The following STK4 variants were observed in gnomAD, a reference collection of about 807,000 sequenced individuals.
STK4 encodes the protein serine/threonine kinase 4.
A neutral mutation model predicts 64.9 loss-of-function variants in STK4; 30 were observed. That is an observed-to-expected ratio of 0.46 (90% CI 0.35 to 0.63). The LOEUF (loss-of-function observed/expected upper bound fraction) is 0.63, where lower values mean the gene tolerates loss of function less well. Among genes scored for constraint, STK4 ranks in the 20% least tolerant of loss-of-function variants. The pLI, the probability that STK4 is intolerant of heterozygous loss-of-function variation, is 0.01. For missense variants in STK4, 466 were observed against 598.5 expected (o/e 0.78, Z 2.31); for synonymous variants, 177 against 199.0 (o/e 0.89, Z 0.93).
intron 5 of STK4, among the ~76,000 whole-genome samples, chr20:44,988,088 A>G (rs945740999): frequency 6.6e-6 from 1 of 152,106 alleles, no homozygotes; most frequent in African/African-American, 2.4e-5. Flanking sequence ...CTTATTCAGT[A>G]TCATGATTTG....
At chr20:45,042,291 G>A (rs993752244) in intron 10 of STK4, among the ~76,000 whole-genome samples, 1 of 150,956 alleles carries the variant, frequency 6.6e-6, no homozygotes, top group Non-Finnish European at 1.5e-5. Flanking sequence ...TTTCTCACAC[G>A]AACTCTTGAC....
intron 10 of STK4, among the ~76,000 whole-genome samples, chr20:45,072,433 AT>A: frequency 6.6e-6 from 1 of 152,122 alleles, no homozygotes. Context: ...CTTTCACACT[AT>A]TTTTTATTTT....
intron 8 of STK4, 139 bp from the exon 9 acceptor site, chr20:45,001,028 T>C: frequency 3.2e-6 from 3 of 946,502 alleles, no homozygotes; most frequent in Non-Finnish European, 4.6e-6. Context: ...TAACAGCGCT[T>C]TCATTTCTGG....
At chr20:44,969,241 G>T (rs888681502) in intron 1 of STK4, among the ~76,000 whole-genome samples, 1 of 152,136 alleles carries the variant, frequency 6.6e-6, no homozygotes, top group Non-Finnish European at 1.5e-5. Flanking sequence ...TATTATGTAA[G>T]ATTTTGTCCA....
At chr20:45,067,019 C>T (rs1979632700) in intron 10 of STK4, among the ~76,000 whole-genome samples, 1 of 152,140 alleles carries the variant, frequency 6.6e-6, no homozygotes. Flanking sequence ...GTCACCTCTA[C>T]CTAAACTAGA....
chr20:45,041,448 A>G (rs1019720901), intron 10 of STK4, among the ~76,000 whole-genome samples: 2 of 152,186 alleles, frequency 1.3e-5, no homozygotes, highest in Non-Finnish European at 2.9e-5. Flanking sequence ...AGCCATACAT[A>G]GAGATAGTCC....
chr20:45,074,924 C>T, intron 10 of STK4, 94 bp from the exon 11 acceptor site: 2 of 1,493,604 alleles, frequency 1.3e-6, no homozygotes, highest in African/African-American at 1.4e-5. Flanking sequence ...CTCCTGTCTC[C>T]CTTCCCTCTG....
In STK4 at chr20:44,978,483, G is replaced by T. The variant is rs770860898; in HGVS notation, c.157G>T (p.Gly53Cys). 1 of 1,614,032 alleles carries T rather than the reference G, an allele frequency of 6.2e-7. No individual in the cohort carries two copies. Among genetic ancestry groups the T allele is most frequent in the Non-Finnish European group, 8.5e-7 (1 of 1,179,986 alleles). The change falls in exon 3 of 11, where the codon GGC becomes TGC. Residue 53 changes from glycine to cysteine, a missense_variant. Gly to Cys is a radical substitution (Grantham distance 159). Coordinates refer to ENST00000372806, the MANE Select transcript of STK4 (RefSeq NM_006282.5). ...ATACAAAGCTATTCATAAAGAGACC[G>T]GCCAGATTGTTGCTATTAAGCAAGT... is the stretch of plus-strand genomic sequence containing the variant. ...SVYKAIHKETGQIVAIKQVPV... is the reference protein window; with the variant it reads ...SVYKAIHKETCQIVAIKQVPV...
intron 10 of STK4, among the ~76,000 whole-genome samples, chr20:45,073,459 C>G (rs1980253900): frequency 6.6e-6 from 1 of 152,052 alleles, no homozygotes; most frequent in South Asian, 2.1e-4. Flanking sequence ...TTGCTCTCAC[C>G]CCACCCACTC....
chr20:44,992,394 G>T (rs1054039443), intron 5 of STK4, among the ~76,000 whole-genome samples: 1 of 151,942 alleles, frequency 6.6e-6, no homozygotes, highest in African/African-American at 2.4e-5. Flanking sequence ...AAGTAGCTAG[G>T]ACTACAGGTG....
rs147702553 is a variant in STK4, at chr20:44,968,595, G to A, written c.35+1992G>A. 2.2e-3 allele frequency among the ~76,000 whole-genome samples: 338 copies of A among 152,258 alleles called. 2 individuals are homozygous for A. Among genetic ancestry groups the A allele is most frequent in the Non-Finnish European group, 3.7e-3 (249 of 68,020 alleles). ...TGAACTATGTTCGTTCGTTCTTCTTGGTTTCTTTCTCCGAGGCCTTGGTTT... is the reference window on the plus strand; with the variant it reads ...TGAACTATGTTCGTTCGTTCTTCTTAGTTTCTTTCTCCGAGGCCTTGGTTT... On this transcript the variant is annotated intron_variant, in intron 1 of 10. Transcript: ENST00000372806.
Position 44,969,981 on chromosome 20 carries a change from C to T in STK4, c.36-2097C>T, listed in dbSNP as rs117018348. ...CATCATTACATTTGTGAATCCATTT[C>T]ACAAATATATTTTGACCACCTCTTG... is the stretch of plus-strand genomic sequence containing the variant. On this transcript the variant is annotated intron_variant, in intron 1 of 10. Transcript: ENST00000372806. 7.1e-3 allele frequency among the ~76,000 whole-genome samples: 1,079 copies of T among 152,208 alleles called. 7 individuals carry two copies. The highest frequency in any genetic ancestry group is 0.016 in the South Asian group (75 of 4,820).
chr20:44,973,478 T>G (rs2067286982), intron 2 of STK4: 1 of 152,280 alleles, frequency 6.6e-6, no homozygotes, highest in Non-Finnish European at 1.5e-5. Context: ...CCTGCCATTT[T>G]CAGCTTTAGC....
intron 10 of STK4, among the ~76,000 whole-genome samples, chr20:45,039,772 C>T (rs2068583203): frequency 6.6e-6 from 1 of 152,068 alleles, no homozygotes; most frequent in Non-Finnish European, 1.5e-5. Flanking sequence ...TTTTAAAAAA[C>T]TGTAGCCAGT....
intron 5 of STK4, among the ~76,000 whole-genome samples, chr20:44,990,922 AG>A (rs918531985): frequency 3.1e-4 from 47 of 152,252 alleles, no homozygotes; most frequent in Middle Eastern, 3.4e-3. Context: ...TGTTAAAATC[AG>A]GTTGTTTCCT....
At chr20:44,975,365 C>A (rs778732645) in intron 2 of STK4, 348 of 984,574 alleles carry the variant, frequency 3.5e-4, no homozygotes, top group Non-Finnish European at 4.0e-4. Flanking sequence ...ATCTTAACTT[C>A]ATGTGAGCTA....
In STK4 at chr20:45,077,875, A is replaced by G. The variant is rs1408491919; in HGVS notation, c.*2699A>G. On this transcript the variant is annotated 3_prime_UTR_variant, in exon 11 of 11. Coordinates refer to ENST00000372806, the MANE Select transcript of STK4 (RefSeq NM_006282.5). Reference sequence around the variant, plus strand: ...TGTGTGCACCCAGCTTGCTGATCCAACAAAGTCTATTGCTTACCAGTCTAG... The same window carrying G: ...TGTGTGCACCCAGCTTGCTGATCCAGCAAAGTCTATTGCTTACCAGTCTAG... 6.6e-6 allele frequency: 1 copy of G among 152,200 alleles called. No individual in the cohort carries two copies. Among genetic ancestry groups the G allele is most frequent in the Non-Finnish European group, 1.5e-5 (1 of 68,032 alleles). The allele number at this position is 152,200 out of a possible 1,614,324, so 9.4% of individuals were successfully genotyped here. A position where few individuals can be genotyped will look rare whatever the true frequency, so the allele number is the denominator to read the frequency against.
chr20:45,041,706 C>T (rs1371156739), intron 10 of STK4, among the ~76,000 whole-genome samples: 1 of 149,450 alleles, frequency 6.7e-6, no homozygotes. Context: ...TTTTAAACAG[C>T]AAGGAGTGGA....
chr20:45,034,297 G>A (rs757733782), intron 10 of STK4, among the ~76,000 whole-genome samples: 4 of 152,052 alleles, frequency 2.6e-5, no homozygotes, highest in African/African-American at 4.8e-5. Context: ...GAAAGGACCT[G>A]ATATTTGGTA....
Sources: gnomAD v4.1 joint callset for allele counts (sites outside exome capture counted in the v4.1 genomes callset) on GRCh38, gnomAD v4.1.1 for gene constraint, MANE v1.5 for transcripts, NCBI Gene and HGNC (gene_info 2026-07-23, HGNC 2026-07-21) for gene names.